Variants in PARD3B observed in about 807,000 individuals in gnomAD.
The protein encoded by PARD3B is partitioning defective 3 homolog B.
In PARD3B, 103 loss-of-function variants were observed where a neutral mutation model predicts 130.2. The observed-to-expected ratio is 0.79, with a 90% CI of 0.67 to 0.93. The LOEUF is 0.93. Ranked by LOEUF, PARD3B falls within the 40% of genes least tolerant of loss-of-function variation. The pLI is 0.00. For missense variants in PARD3B, 1,609 were observed against 1,499.2 expected (o/e 1.07, Z -1.21); for synonymous variants, 583 against 553.2 (o/e 1.05, Z -0.76).
chr2:205,495,035 C>T (rs1158835063), intron 20 of PARD3B, among the ~76,000 whole-genome samples: 3 of 152,150 alleles, frequency 2.0e-5, no homozygotes, highest in Non-Finnish European at 2.9e-5. Context: ...CAGATGAACA[C>T]TCATTTTAAA....
At chr2:205,414,794 C>G (rs2046718226) in intron 19 of PARD3B, among the ~76,000 whole-genome samples, 1 of 152,058 alleles carries the variant, frequency 6.6e-6, no homozygotes, top group East Asian at 1.9e-4. Flanking sequence ...CTAATAGAGG[C>G]TGTGATTGCC....
chr2:204,783,777 C>A (rs1175597448), intron 2 of PARD3B, among the ~76,000 whole-genome samples: 1 of 152,064 alleles, frequency 6.6e-6, no homozygotes, highest in Non-Finnish European at 1.5e-5. Flanking sequence ...AGCAGCCTGG[C>A]TTCAGGGTCC....
intron 4 of PARD3B, among the ~76,000 whole-genome samples, chr2:205,086,258 T>G (rs1486208996): frequency 6.6e-6 from 1 of 152,176 alleles, no homozygotes; most frequent in Non-Finnish European, 1.5e-5. Flanking sequence ...ATTACAGAAA[T>G]AATACACTTT....
intron 2 of PARD3B, among the ~76,000 whole-genome samples, chr2:204,843,987 A>G (rs2044359555): frequency 6.6e-6 from 1 of 152,136 alleles, no homozygotes; most frequent in Admixed American, 6.5e-5. Flanking sequence ...AGTAATGGCA[A>G]TGCACAAAGC....
chr2:205,370,574 G>C (rs2044774234), intron 18 of PARD3B, among the ~76,000 whole-genome samples: 1 of 152,140 alleles, frequency 6.6e-6, no homozygotes, highest in African/African-American at 2.4e-5. Context: ...GCTCATAACT[G>C]ACCTTATGGA....
Position 205,193,259 on chromosome 2 carries a change from T to G in PARD3B, c.2079T>G (p.Ser693=), listed in dbSNP as rs781772281. The G allele has an allele frequency of 6.2e-7, 1 of 1,613,606 alleles. No homozygotes were observed. Among genetic ancestry groups the G allele is most frequent in the African/African-American group, 1.3e-5 (1 of 75,050 alleles). Residue 693 remains serine (S), a synonymous_variant, in exon 15 of 23, where the codon TCT becomes TCG. Coordinates refer to ENST00000406610, the MANE Select transcript of PARD3B (RefSeq NM_001302769.2). ...YFPDQHINFR[S]VTPARQPESI... Reference sequence around the variant, plus strand: ...CAGATCAGCACATCAACTTCAGATCTGTGACACCGGCCAGGCAGCCTGAAT... The same window carrying G: ...CAGATCAGCACATCAACTTCAGATCGGTGACACCGGCCAGGCAGCCTGAAT...
At chr2:205,261,989 T>C (rs2040332042) in intron 16 of PARD3B, among the ~76,000 whole-genome samples, 1 of 152,124 alleles carries the variant, frequency 6.6e-6, no homozygotes, top group Admixed American at 6.5e-5. Context: ...TCAAAACCAG[T>C]CCTATTTATT....
chr2:204,828,015 A>G (rs115327299), intron 2 of PARD3B, among the ~76,000 whole-genome samples: 2 of 146,972 alleles, frequency 1.4e-5, no homozygotes, highest in Non-Finnish European at 2.9e-5. Flanking sequence ...TAATCAATCC[A>G]GTTCAACCCA....
chr2:205,108,063 G>GAT (rs955920957), intron 5 of PARD3B, among the ~76,000 whole-genome samples: 10 of 152,176 alleles, frequency 6.6e-5, no homozygotes, highest in African/African-American at 2.2e-4. Flanking sequence ...CTGTGTCAAG[G>GAT]ATATCTATTC....
At chr2:205,479,612 C>T (rs182382183) in intron 20 of PARD3B, among the ~76,000 whole-genome samples, 48 of 152,314 alleles carry the variant, frequency 3.2e-4, no homozygotes, top group African/African-American at 1.0e-3. Context: ...TCTCCAGCTT[C>T]GTGACCATTA....
intron 22 of PARD3B, among the ~76,000 whole-genome samples, chr2:205,567,770 G>A (rs1209183950): frequency 6.6e-6 from 1 of 151,880 alleles, no homozygotes; most frequent in Non-Finnish European, 1.5e-5. Context: ...CTCTGAGACA[G>A]GGATTTGAGA....
chr2:204,951,103 C>T (rs1458772991), intron 2 of PARD3B, among the ~76,000 whole-genome samples: 1 of 152,172 alleles, frequency 6.6e-6, no homozygotes, highest in Non-Finnish European at 1.5e-5. Flanking sequence ...TCATATAATT[C>T]AAGCAGGGCC....
At chr2:204,862,592 A>G (rs879870619) in intron 2 of PARD3B, among the ~76,000 whole-genome samples, 16 of 152,296 alleles carry the variant, frequency 1.1e-4, no homozygotes, top group Non-Finnish European at 2.4e-4. Flanking sequence ...ATACTACATC[A>G]AAGACTGAAT....
intron 2 of PARD3B, among the ~76,000 whole-genome samples, chr2:204,715,870 A>G (rs2038696219): frequency 6.6e-6 from 1 of 152,052 alleles, no homozygotes; most frequent in Non-Finnish European, 1.5e-5. Flanking sequence ...TCAATGTGTC[A>G]TCTAGTTTTT....
chr2:204,943,154 A>G lies in PARD3B; in HGVS notation c.223-21998A>G, dbSNP rs530711068. ...AGTTTTTCACATTCTTAATGTGTGT[A>G]TGTGTGTGTGTGTATGTGTATGCAT... On this transcript the variant is annotated intron_variant, in intron 2 of 22. Coordinates refer to ENST00000406610, the MANE Select transcript of PARD3B (RefSeq NM_001302769.2). This position sits in a 1 kb window ranked among gnomAD's most constrained non-coding sequence, Gnocchi z 4.2. Among the ~76,000 whole-genome samples, 236 of 151,510 alleles carry G rather than the reference A, an allele frequency of 1.6e-3. 1 individual carries two copies. The highest frequency in any genetic ancestry group is 5.1e-3 in the African/African-American group (212 of 41,274).
intron 2 of PARD3B, among the ~76,000 whole-genome samples, chr2:204,872,580 T>G (rs989165024): frequency 3.9e-5 from 6 of 152,168 alleles, no homozygotes; most frequent in Admixed American, 2.6e-4. Context: ...CTAAGAGATG[T>G]GCCCAGACTG....
intron 15 of PARD3B, among the ~76,000 whole-genome samples, chr2:205,197,032 GGTGTGTGT>G (rs1220147246): frequency 1.3e-4 from 7 of 55,258 alleles, no homozygotes; most frequent in Non-Finnish European, 1.9e-4. Flanking sequence ...GTGGGGGGGG[GGTGTGTGT>G]GTGTGTGTGT....
intron 10 of PARD3B, among the ~76,000 whole-genome samples, chr2:205,135,442 A>G (rs942835023): frequency 6.6e-6 from 1 of 152,204 alleles, no homozygotes; most frequent in Non-Finnish European, 1.5e-5. Flanking sequence ...TAAATACCAC[A>G]CATGTGAAAT....
chr2:205,304,634 T>C (rs1254288342), intron 18 of PARD3B, among the ~76,000 whole-genome samples: 3 of 59,886 alleles, frequency 5.0e-5, no homozygotes, highest in South Asian at 8.0e-4. Context: ...AAACTCCATC[T>C]CAAAAAAAAA....
Sources: allele counts gnomAD v4.1 joint callset (sites outside exome capture counted in the v4.1 genomes callset), GRCh38; gene constraint gnomAD v4.1.1; non-coding constraint Gnocchi (gnomAD v3.1); transcripts MANE v1.5; gene names NCBI Gene and HGNC (gene_info 2026-07-23, HGNC 2026-07-21).